Variants in NTRK3 observed in about 807,000 individuals in gnomAD.
NTRK3 encodes the protein neurotrophic receptor tyrosine kinase 3.
In NTRK3, 24 loss-of-function variants were observed where a neutral mutation model predicts 91.7. That is an observed-to-expected ratio of 0.26 (90% CI 0.19 to 0.37). The LOEUF is 0.37. NTRK3 is among the 10% of genes least tolerant of loss of function. NTRK3 has a pLI of 1.00. For missense variants in NTRK3, 880 were observed against 1,068.9 expected, an observed-to-expected ratio of 0.82 and a Z score of 2.46; for synonymous variants, 483 against 404.0, an observed-to-expected ratio of 1.20 and a Z score of -2.34.
chr15:88,027,121 G>A (rs902443933), intron 14 of NTRK3, among the ~76,000 whole-genome samples: 20 of 152,074 alleles, frequency 1.3e-4, no homozygotes, highest in African/African-American at 4.1e-4. Context: ...TCTAGGCAAC[G>A]AGATTTGATA....
At chr15:87,896,296 C>A (rs2066118294) in intron 17 of NTRK3, among the ~76,000 whole-genome samples, 1 of 151,984 alleles carries the variant, frequency 6.6e-6, no homozygotes, top group Non-Finnish European at 1.5e-5. Context: ...TATGGTGAAA[C>A]CCTGTCTCTA....
chr15:87,918,723 G>A (rs150656486), intron 17 of NTRK3, among the ~76,000 whole-genome samples: 1 of 152,294 alleles, frequency 6.6e-6, no homozygotes. Context: ...ACATGGACAA[G>A]GAATTGAATT....
intron 3 of NTRK3, among the ~76,000 whole-genome samples, chr15:88,187,192 A>C (rs1328037970): frequency 6.6e-6 from 1 of 152,180 alleles, no homozygotes; most frequent in African/African-American, 2.4e-5. Flanking sequence ...ATCATTGATA[A>C]AAACCCCATG....
chr15:88,221,511 G>A (rs571727170), intron 3 of NTRK3, among the ~76,000 whole-genome samples: 7 of 152,320 alleles, frequency 4.6e-5, no homozygotes, highest in East Asian at 1.9e-4. Flanking sequence ...GGAGTTTACC[G>A]TCAGGTGCGG....
At chr15:88,150,747 GA>G (rs1427322819) in intron 5 of NTRK3, among the ~76,000 whole-genome samples, 3 of 152,028 alleles carry the variant, frequency 2.0e-5, no homozygotes, top group Non-Finnish European at 2.9e-5. Flanking sequence ...CCAAGCCCCA[GA>G]AAAAAACTTA....
chr15:88,073,777 A>ACC lies in NTRK3; in HGVS notation c.1397-40734_1397-40733dup, dbSNP rs145193852. On this transcript the variant is annotated intron_variant, in intron 13 of 18. Transcript: ENST00000394480. Reference sequence around the variant, plus strand: ...GGGGGAGGGTCCAGAGTGCTGCAACACCCCCCCGCCCCACCCCGCAGGGAA... The same window carrying ACC: ...GGGGGAGGGTCCAGAGTGCTGCAACACCCCCCCCCGCCCCACCCCGCAGGGAA... Among the ~76,000 whole-genome samples, 562 of 149,564 alleles carry ACC rather than the reference A, an allele frequency of 3.8e-3. 4 individuals carry two copies. Among genetic ancestry groups the ACC allele is most frequent in the African/African-American group, 0.012 (497 of 40,728 alleles).
intron 3 of NTRK3, among the ~76,000 whole-genome samples, chr15:88,221,036 G>A (rs978270877): frequency 5.9e-5 from 9 of 152,198 alleles, no homozygotes; most frequent in African/African-American, 2.2e-4. Context: ...CTGAAACACA[G>A]CCAGGGTTGG....
intron 17 of NTRK3, among the ~76,000 whole-genome samples, chr15:87,922,730 C>T (rs6496457): frequency 0.43 from 65,386 of 151,674 alleles, 14,209 homozygotes; most frequent in South Asian, 0.52. Context: ...GTTAGAATTT[C>T]GACATATTCT....
intron 3 of NTRK3, among the ~76,000 whole-genome samples, chr15:88,248,538 G>A (rs2053057054): frequency 7.0e-6 from 1 of 143,386 alleles, no homozygotes; most frequent in African/African-American, 2.6e-5. Flanking sequence ...GTGTGTGTGT[G>A]CATGTGTGCA....
chr15:87,869,805 A>C (rs866798350), exon 19 of NTRK3: 1 of 199,844 alleles, frequency 5.0e-6, no homozygotes, highest in African/African-American at 2.3e-5. Context: ...GGTAGCTATT[A>C]AATTGAGACA....
intron 13 of NTRK3, among the ~76,000 whole-genome samples, chr15:88,072,163 C>A (rs755923327): frequency 6.6e-6 from 1 of 151,990 alleles, no homozygotes; most frequent in South Asian, 2.1e-4. Flanking sequence ...CGCCACCATG[C>A]CTGGCTAATT....
chr15:88,175,527 CATG>C (rs538120871), intron 5 of NTRK3, among the ~76,000 whole-genome samples: 400 of 152,258 alleles, frequency 2.6e-3, no homozygotes, highest in Non-Finnish European at 4.6e-3. Context: ...ATATTTTCAT[CATG>C]ATAATGATCA....
intron 13 of NTRK3, among the ~76,000 whole-genome samples, chr15:88,083,190 T>TG (rs1372289201): frequency 2.0e-5 from 3 of 152,158 alleles, no homozygotes. Flanking sequence ...CACGGTCCTC[T>TG]GTTCCTGGCC....
At chr15:87,920,832 C>T (rs1175962627) in intron 17 of NTRK3, among the ~76,000 whole-genome samples, 1 of 152,108 alleles carries the variant, frequency 6.6e-6, no homozygotes. Flanking sequence ...GGATCCATCC[C>T]CTCACCCCTG....
intron 9 of NTRK3, among the ~76,000 whole-genome samples, 162 bp from the exon 10 acceptor site, chr15:88,135,559 G>A (rs117431904): frequency 1.7e-4 from 26 of 152,330 alleles, no homozygotes; most frequent in Non-Finnish European, 2.9e-4. Context: ...GGGAAGAGAT[G>A]TCTGTCTTTA....
intron 14 of NTRK3, among the ~76,000 whole-genome samples, chr15:87,985,940 C>A (rs1174358420): frequency 9.9e-5 from 15 of 152,196 alleles, no homozygotes. Flanking sequence ...ATAAGCTGAT[C>A]TTGGCTTAAA....
chr15:88,132,691 C>T (rs543857473), intron 10 of NTRK3, among the ~76,000 whole-genome samples: 3 of 152,278 alleles, frequency 2.0e-5, no homozygotes, highest in African/African-American at 4.8e-5. Context: ...GGGGTGAGTT[C>T]GGTTTAGAGG....
chr15:88,232,559 T>G (rs759703881), intron 3 of NTRK3, among the ~76,000 whole-genome samples: 4 of 152,212 alleles, frequency 2.6e-5, no homozygotes, highest in Non-Finnish European at 5.9e-5. Context: ...GTTTTTCTTT[T>G]GGCCATTTGC....
intron 13 of NTRK3, 131 bp from the exon 14 acceptor site, chr15:88,033,176 T>TATATATATATATATATA (rs1491166187): frequency 5.2e-6 from 1 of 192,384 alleles, no homozygotes; most frequent in African/African-American, 6.2e-5. Context: ...GGGGGGTGTG[T>TATATATATATATATATA]TATATATATA....
Sources: allele counts gnomAD v4.1 joint callset (sites outside exome capture counted in the v4.1 genomes callset), GRCh38; gene constraint gnomAD v4.1.1; transcripts MANE v1.5; gene names NCBI Gene and HGNC (gene_info 2026-07-23, HGNC 2026-07-21).